The following REV3L variants were observed in gnomAD, a reference collection of about 807,000 sequenced individuals.
REV3L encodes the protein REV3 like, DNA directed polymerase zeta catalytic subunit, also known as DNA polymerase zeta catalytic subunit.
In REV3L, 69 loss-of-function variants were observed where a neutral mutation model predicts 299.4. That is an observed-to-expected ratio of 0.23 (90% CI 0.19 to 0.28). REV3L has a LOEUF of 0.28. Ranked by LOEUF, REV3L falls within the 10% of genes least tolerant of loss-of-function variation. The pLI is 1.00. For synonymous variants in REV3L, 1,238 were observed against 1,271.4 expected (o/e 0.97, Z 0.56); for missense variants, 3,128 against 3,693.8 (o/e 0.85, Z 3.97).
intron 26 of REV3L, among the ~76,000 whole-genome samples, chr6:111,319,930 A>G (rs540282500): frequency 1.1e-4 from 16 of 151,322 alleles, no homozygotes; most frequent in South Asian, 1.0e-3. Flanking sequence ...CCTGCGTTCA[A>G]GTGATTCTCC....
chr6:111,434,169 T>G (rs1027369581), intron 1 of REV3L, among the ~76,000 whole-genome samples: 1 of 152,166 alleles, frequency 6.6e-6, no homozygotes, highest in East Asian at 1.9e-4. Flanking sequence ...TTATTCAATG[T>G]AATACTGGAA....
intron 1 of REV3L, among the ~76,000 whole-genome samples, chr6:111,459,210 G>A (rs139185109): frequency 1.3e-5 from 2 of 152,100 alleles, no homozygotes; most frequent in Non-Finnish European, 2.9e-5. Context: ...ACATGGTGCT[G>A]GGATAACTGG....
intron 1 of REV3L, among the ~76,000 whole-genome samples, chr6:111,432,401 A>G (rs1230095109): frequency 6.6e-6 from 1 of 152,260 alleles, no homozygotes; most frequent in Non-Finnish European, 1.5e-5. Context: ...CAAAAGCAGG[A>G]GTAGCTATAT....
rs557354510 is a variant in REV3L, at chr6:111,310,233, A to G, written c.8796-134T>C. On this transcript the variant is annotated intron_variant, in intron 29 of 31. Transcript: ENST00000368802. ...AAGACAATTTCAAAACAGAATTACT[A>G]TTTCTTTGAGAATAATATATATACA... is the stretch of plus-strand genomic sequence containing the variant. 3.2e-4 allele frequency: 378 copies of G among 1,163,586 alleles called. 1 individual carries two copies. The African/African-American group carries it at 4.2e-3, about 13-fold the overall frequency. The allele number at this position is 1,163,586 out of a possible 1,614,324, so 72.1% of individuals were successfully genotyped here. A position where few individuals can be genotyped will look rare whatever the true frequency, so the allele number is the denominator to read the frequency against.
chr6:111,349,330 T>C lies in REV3L; in HGVS notation c.7307A>G (p.Lys2436Arg). The change falls in exon 20 of 32, where the codon AAA (lysine) becomes AGA (arginine). Residue 2436 changes from lysine (K) to arginine (R), a missense_variant. By Grantham distance (26) the Lys-to-Arg change is conservative. This residue lies in a region of REV3L where 50 missense variants were observed against 48.2 expected (regional missense o/e 1.04). Transcript: ENST00000368802. ...CRMISRVPDD[K>R]IENRFAAERD... ...TTCAGCTGCAAATCTGTTCTCAATT[T>C]TGTCATCTATAGAAATGAAAACAGA... 3 of 1,547,776 alleles carry C rather than the reference T, an allele frequency of 1.9e-6. No individual in the cohort carries two copies. In the South Asian group the frequency reaches 3.5e-5, roughly 18 times the overall value.
At chr6:111,431,178 C>A in intron 1 of REV3L, 2 of 1,561,554 alleles carry the variant, frequency 1.3e-6, no homozygotes, top group Non-Finnish European at 1.8e-6. Flanking sequence ...TGGCCACGTG[C>A]CAAGATTATC....
At position 111,388,127 on chromosome 6, in the gene REV3L, T is replaced by C. The variant is rs775062405; in HGVS notation, c.863-42A>G. 14 of 1,330,464 alleles carry C rather than the reference T, an allele frequency of 1.1e-5. No individual in the cohort carries two copies. In the African/African-American group the frequency reaches 1.9e-4, roughly 18 times the overall value. The allele number at this position is 1,330,464 out of a possible 1,614,324, so 82.4% of individuals were successfully genotyped here. Reference sequence around the variant, plus strand: ...TGCATTAAAAAATGTAAATAGCAAATGAATGAAATATTTTCCCTTCTCCTA... The same window carrying C: ...TGCATTAAAAAATGTAAATAGCAAACGAATGAAATATTTTCCCTTCTCCTA... On this transcript the variant is annotated intron_variant, in intron 7 of 31. Transcript: ENST00000368802.
At chr6:111,480,798 A>C (rs1316818399) in intron 1 of REV3L, among the ~76,000 whole-genome samples, 2 of 149,746 alleles carry the variant, frequency 1.3e-5, no homozygotes, top group African/African-American at 2.4e-5. Context: ...CAAAAAAAAA[A>C]CCCCAATGGG....
chr6:111,425,672 C>CAT (rs895319613), intron 1 of REV3L, among the ~76,000 whole-genome samples: 18 of 151,902 alleles, frequency 1.2e-4, no homozygotes, highest in African/African-American at 3.6e-4. Flanking sequence ...TATATGCACA[C>CAT]ATATATATAA....
intron 4 of REV3L, among the ~76,000 whole-genome samples, chr6:111,396,977 T>C (rs1260657230): frequency 6.6e-6 from 1 of 152,150 alleles, no homozygotes; most frequent in African/African-American, 2.4e-5. Context: ...TAAATTGTAA[T>C]GTCTCCTTTT....
intron 1 of REV3L, among the ~76,000 whole-genome samples, chr6:111,449,673 C>T (rs1260141459): frequency 6.6e-6 from 1 of 152,092 alleles, no homozygotes; most frequent in East Asian, 1.9e-4. Flanking sequence ...TCTGTTCCCA[C>T]CCAACTAAGC....
intron 28 of REV3L, 165 bp from the exon 29 acceptor site, chr6:111,311,424 AT>A: frequency 2.1e-6 from 1 of 473,382 alleles, no homozygotes; most frequent in Non-Finnish European, 3.6e-6. Context: ...ATTGAAAGTT[AT>A]TTGAGACTTT....
At chr6:111,372,491 C>T in intron 13 of REV3L, 105 bp downstream of exon 13, 1 of 799,552 alleles carries the variant, frequency 1.3e-6, no homozygotes, top group Non-Finnish European at 1.8e-6. Context: ...AACTAGCAGT[C>T]AGGTAACCAA....
At chr6:111,313,563 G>T in intron 27 of REV3L, 74 bp from the exon 28 acceptor site, 2 of 1,411,640 alleles carry the variant, frequency 1.4e-6, no homozygotes, top group Non-Finnish European at 9.5e-7. Flanking sequence ...TTATGTCTTT[G>T]TGCTTTCTTT....
intron 16 of REV3L, among the ~76,000 whole-genome samples, chr6:111,362,523 G>A (rs1310025209): frequency 6.6e-6 from 1 of 152,118 alleles, no homozygotes; most frequent in African/African-American, 2.4e-5. Flanking sequence ...AAAGTCACAT[G>A]TAACTTAAAG....
At chr6:111,380,977 A>G (rs866615528) in intron 10 of REV3L, among the ~76,000 whole-genome samples, 26 of 152,366 alleles carry the variant, frequency 1.7e-4, no homozygotes, top group African/African-American at 5.8e-4. Context: ...CTCCGGTGAA[A>G]TTTGTGATAC....
intron 3 of REV3L, among the ~76,000 whole-genome samples, chr6:111,408,293 C>T (rs754216274): frequency 7.3e-4 from 111 of 152,148 alleles, no homozygotes; most frequent in Non-Finnish European, 1.3e-3. Flanking sequence ...GCCCCAGAAC[C>T]CCTTTCATTC....
At chr6:111,343,523 C>T (rs1776730829) in intron 21 of REV3L, among the ~76,000 whole-genome samples, 1 of 152,008 alleles carries the variant, frequency 6.6e-6, no homozygotes, top group Non-Finnish European at 1.5e-5. Flanking sequence ...AACAATAATA[C>T]ACTTTATTTA....
intron 30 of REV3L, among the ~76,000 whole-genome samples, chr6:111,308,605 A>G (rs894205616): frequency 6.6e-6 from 1 of 152,144 alleles, no homozygotes; most frequent in Non-Finnish European, 1.5e-5. Context: ...CTATAATGCT[A>G]TTTTACCATT....
Sources: allele counts gnomAD v4.1 joint callset (sites outside exome capture counted in the v4.1 genomes callset), GRCh38; gene constraint gnomAD v4.1.1; regional missense constraint gnomAD v4.1.1; transcripts MANE v1.5; gene names NCBI Gene and HGNC (gene_info 2026-07-23, HGNC 2026-07-21).